FAM193A: variants seen among roughly 807,000 people sequenced by gnomAD.
FAM193A encodes the protein protein FAM193A.
FAM193A carries 22 observed loss-of-function variants against 126.5 expected under a neutral mutation model. That is an observed-to-expected ratio of 0.17 (90% CI 0.12 to 0.25). The LOEUF (loss-of-function observed/expected upper bound fraction) is 0.25, where lower values mean the gene tolerates loss of function less well. FAM193A is among the 10% of genes least tolerant of loss of function. The pLI, the probability that FAM193A is intolerant of heterozygous loss-of-function variation, is 1.00. For missense variants in FAM193A, 1,675 were observed against 1,672.8 expected (o/e 1.00, Z -0.02); for synonymous variants, 761 against 646.8 (o/e 1.18, Z -2.68).
chr4:2,670,120 A>G (rs550619710), intron 12 of FAM193A, among the ~76,000 whole-genome samples: 123 of 152,036 alleles, frequency 8.1e-4, no homozygotes, highest in African/African-American at 2.8e-3. Context: ...GCGTCTGCAT[A>G]CTTTCCCCTC....
intron 1 of FAM193A, among the ~76,000 whole-genome samples, chr4:2,559,654 C>T (rs542865222): frequency 1.3e-5 from 2 of 152,204 alleles, no homozygotes; most frequent in Non-Finnish European, 2.9e-5. Flanking sequence ...TTTCTCTTCT[C>T]TGTGAACACA....
At chr4:2,537,648 C>T (rs895693573) in intron 1 of FAM193A, among the ~76,000 whole-genome samples, 11 of 152,212 alleles carry the variant, frequency 7.2e-5, no homozygotes, top group African/African-American at 2.7e-4. Context: ...CTTTCGCTCC[C>T]AGGGCTTTGA....
chr4:2,634,951 T>C (rs114806559), intron 5 of FAM193A, among the ~76,000 whole-genome samples: 2,649 of 152,326 alleles, frequency 0.017, 59 homozygotes, highest in African/African-American at 0.051. Flanking sequence ...GACTTCATTA[T>C]GCCTTCTTTT....
At chr4:2,729,795 A>G (rs920743706) in intron 20 of FAM193A, among the ~76,000 whole-genome samples, 4 of 152,068 alleles carry the variant, frequency 2.6e-5, no homozygotes, top group African/African-American at 9.7e-5. Flanking sequence ...GTTTTTTTGT[A>G]GAGATGAGGT....
At chr4:2,598,283 A>T (rs1235801764) in intron 2 of FAM193A, among the ~76,000 whole-genome samples, 1 of 152,184 alleles carries the variant, frequency 6.6e-6, no homozygotes, top group Non-Finnish European at 1.5e-5. Flanking sequence ...GTTACCCAAA[A>T]TGTTGCATGC....
At chr4:2,718,429 A>G (rs955636519) in intron 20 of FAM193A, among the ~76,000 whole-genome samples, 1 of 150,694 alleles carries the variant, frequency 6.6e-6, no homozygotes, top group Non-Finnish European at 1.5e-5. Flanking sequence ...CAGTAATTAA[A>G]AAAAAAAAAA....
intron 12 of FAM193A, among the ~76,000 whole-genome samples, chr4:2,671,109 T>TGCGCTCA (rs1713735060): frequency 6.6e-6 from 1 of 152,172 alleles, no homozygotes; most frequent in South Asian, 2.1e-4. Context: ...GTGGGGTGAA[T>TGCGCTCA]GCGCTCAGCA....
intron 1 of FAM193A, among the ~76,000 whole-genome samples, chr4:2,592,809 G>A (rs746914539): frequency 6.6e-6 from 1 of 152,160 alleles, no homozygotes; most frequent in South Asian, 2.1e-4. Flanking sequence ...AGCTGAGGGC[G>A]CATAAGCACA....
rs1577027235 is a variant in FAM193A at position 2,575,241 on chromosome 4, TC to T, written c.256-20840del. Among the ~76,000 whole-genome samples, 3 of 152,040 alleles carry T rather than the reference TC, an allele frequency of 2.0e-5. No individual in the cohort carries two copies. The East Asian group carries it at 5.8e-4, about 29-fold the overall frequency. On this transcript the variant is annotated intron_variant, in intron 1 of 20. Coordinates refer to ENST00000637812, the MANE Select transcript of FAM193A (RefSeq NM_001366318.2). Reference sequence around the variant, plus strand: ...CAGGTGACGAGACGGTGGAAGAGAATCCCAGGTGGCCGTGGCAGCATGTGCA... The same window carrying T: ...CAGGTGACGAGACGGTGGAAGAGAATCCAGGTGGCCGTGGCAGCATGTGCA...
intron 12 of FAM193A, among the ~76,000 whole-genome samples, chr4:2,668,095 A>T (rs1271431250): frequency 6.6e-6 from 1 of 152,002 alleles, no homozygotes; most frequent in Non-Finnish European, 1.5e-5. Context: ...AGTAGAGACA[A>T]GGTCTCCCTG....
intron 2 of FAM193A, among the ~76,000 whole-genome samples, chr4:2,612,898 T>G (rs931975148): frequency 3.9e-5 from 6 of 152,264 alleles, no homozygotes; most frequent in Non-Finnish European, 8.8e-5. Flanking sequence ...TTGGATATAT[T>G]AGATCCTTTG....
chr4:2,620,309 G>A (rs1054438361), intron 2 of FAM193A, among the ~76,000 whole-genome samples: 4 of 152,010 alleles, frequency 2.6e-5, no homozygotes, highest in South Asian at 4.1e-4. Flanking sequence ...AGTGTACTGC[G>A]TTCCAGCCAT....
At chr4:2,621,965 C>G (rs1742570924) in intron 2 of FAM193A, among the ~76,000 whole-genome samples, 1 of 152,018 alleles carries the variant, frequency 6.6e-6, no homozygotes, top group Non-Finnish European at 1.5e-5. Flanking sequence ...ACATAAAAAC[C>G]TAAATGTGGC....
chr4:2,599,517 T>C (rs374401852), intron 2 of FAM193A, among the ~76,000 whole-genome samples: 13 of 152,328 alleles, frequency 8.5e-5, no homozygotes, highest in African/African-American at 2.4e-4. Context: ...CATTCTGTTA[T>C]CAGCAGTTGT....
At chr4:2,701,165 A>G (rs1717689283) in intron 19 of FAM193A, among the ~76,000 whole-genome samples, 1 of 152,054 alleles carries the variant, frequency 6.6e-6, no homozygotes, top group African/African-American at 2.4e-5. Flanking sequence ...CAAGATAAAG[A>G]CACTTATAAA....
intron 20 of FAM193A, among the ~76,000 whole-genome samples, chr4:2,721,452 C>A (rs915351134): frequency 6.6e-6 from 1 of 152,102 alleles, no homozygotes; most frequent in Non-Finnish European, 1.5e-5. Context: ...TACGCCACCT[C>A]ACTCCAGCCT....
chr4:2,711,695 T>G (rs1045221453), intron 19 of FAM193A, among the ~76,000 whole-genome samples: 2 of 150,400 alleles, frequency 1.3e-5, no homozygotes, highest in African/African-American at 2.4e-5. Flanking sequence ...ATGCCTGTAA[T>G]CCCAGCACTT....
intron 19 of FAM193A, among the ~76,000 whole-genome samples, chr4:2,702,193 G>A (rs1298115333): frequency 1.3e-5 from 2 of 152,090 alleles, no homozygotes; most frequent in African/African-American, 2.4e-5. Flanking sequence ...ATAGATCCAC[G>A]AAGTTTTACT....
chr4:2,598,914 C>T (rs1461815131), intron 2 of FAM193A, among the ~76,000 whole-genome samples: 4 of 152,336 alleles, frequency 2.6e-5, no homozygotes, highest in Non-Finnish European at 4.4e-5. Context: ...TCTGTGCTCA[C>T]GGCCTTGGGG....
Sources: allele counts gnomAD v4.1 joint callset (sites outside exome capture counted in the v4.1 genomes callset), GRCh38; gene constraint gnomAD v4.1.1; transcripts MANE v1.5; gene names NCBI Gene and HGNC (gene_info 2026-07-23, HGNC 2026-07-21).